PCDH10: variants seen among roughly 807,000 people sequenced by gnomAD.
PCDH10 encodes the protein protocadherin 10.
In PCDH10, 15 loss-of-function variants were observed where a neutral mutation model predicts 74.4. The ratio of observed to expected loss-of-function variants is 0.20; its 90% CI spans 0.13 to 0.31. PCDH10 has a LOEUF of 0.31. Ranked by LOEUF, PCDH10 falls within the 10% of genes least tolerant of loss-of-function variation. The pLI is 1.00. For synonymous variants in PCDH10, 619 were observed against 589.8 expected, an observed-to-expected ratio of 1.05 and a Z score of -0.72; for missense variants, 1,260 against 1,390.2, an observed-to-expected ratio of 0.91 and a Z score of 1.49.
At chr4:133,188,927 G>A (rs1370717640) in intron 4 of PCDH10, among the ~76,000 whole-genome samples, 1 of 151,674 alleles carries the variant, frequency 6.6e-6, no homozygotes, top group South Asian at 2.1e-4. Flanking sequence ...CACCCAACTC[G>A]GACTTCCAAA....
In PCDH10 at chr4:133,163,285, A is replaced by G; in HGVS notation, c.3103+3A>G. ...GCCTTACAAACCACCATATTTGAGT[A>G]AGTATTACACAAAGGGCTCTGTTAA... On this transcript the variant is annotated splice_donor_region_variant and intron_variant, in intron 4 of 4. Transcript: ENST00000264360. 6.2e-7 allele frequency: 1 copy of G among 1,606,280 alleles called. No individual in the cohort carries two copies. Among genetic ancestry groups the G allele is most frequent in the Non-Finnish European group, 8.5e-7 (1 of 1,175,934 alleles).
rs1326246914 is a variant in PCDH10 at position 133,191,080 on chromosome 4, C to A, written c.*920C>A. 2 of 152,330 alleles carry A rather than the reference C, an allele frequency of 1.3e-5. No individual in the cohort carries two copies. The highest frequency in any genetic ancestry group is 4.8e-5 in the African/African-American group (2 of 41,418). 9.4% of individuals were successfully genotyped at this position (152,330 alleles called of 1,614,324 possible). A position where few individuals can be genotyped will look rare whatever the true frequency, so the allele number is the denominator to read the frequency against. ...TACTATCAAACTATCTAACAATCTGCATAAGTCTGATTCTATTTCTATGAC... is the reference window on the plus strand; with the variant it reads ...TACTATCAAACTATCTAACAATCTGAATAAGTCTGATTCTATTTCTATGAC... On this transcript the variant is annotated 3_prime_UTR_variant, in exon 5 of 5. Coordinates refer to ENST00000264360, the MANE Select transcript of PCDH10 (RefSeq NM_032961.3).
At chr4:133,153,632 T>C (rs899101365) in intron 1 of PCDH10, 2 of 146,740 alleles carry the variant, frequency 1.4e-5, no homozygotes, top group African/African-American at 5.0e-5. Flanking sequence ...AGAACAAAGT[T>C]GGTTTATGTG....
intron 3 of PCDH10, among the ~76,000 whole-genome samples, chr4:133,159,082 C>CA (rs1726916609): frequency 1.3e-5 from 2 of 151,538 alleles, no homozygotes; most frequent in Admixed American, 1.3e-4. Context: ...CTAGAAATCT[C>CA]AAAAAATGAA....
chr4:133,197,969 T>TTG (rs70957500), downstream of PCDH10, among the ~76,000 whole-genome samples: 5,759 of 144,976 alleles, frequency 0.04, 126 homozygotes, highest in South Asian at 0.064. Flanking sequence ...TCTCTCAAAA[T>TTG]TGTGTGTGTG....
At chr4:133,206,014 G>A (rs889924619) in intron 2 of PCDH10, among the ~76,000 whole-genome samples, 5 of 152,066 alleles carry the variant, frequency 3.3e-5, no homozygotes, top group Non-Finnish European at 5.9e-5. Flanking sequence ...ACTCTAAAAC[G>A]CTGAAGATAA....
At chr4:133,197,369 G>T (rs1727816829), downstream of PCDH10, among the ~76,000 whole-genome samples, 1 of 152,156 alleles carries the variant, frequency 6.6e-6, no homozygotes, top group Non-Finnish European at 1.5e-5. Flanking sequence ...AATTTTAAAA[G>T]TTGCTCTAAT....
chr4:133,160,823 T>C (rs944314078), intron 3 of PCDH10, among the ~76,000 whole-genome samples: 2 of 151,822 alleles, frequency 1.3e-5, no homozygotes, highest in Admixed American at 6.6e-5. Flanking sequence ...TCAAATTGAG[T>C]ATATTTTTAT....
exon 3 of PCDH10, chr4:133,208,252 T>G (rs1021123785): frequency 2.0e-5 from 3 of 152,216 alleles, no homozygotes; most frequent in African/African-American, 7.2e-5. Flanking sequence ...GGCACCCAGT[T>G]AAGCTGCACT....
chr4:133,168,417 A>G (rs931323156), intron 4 of PCDH10, among the ~76,000 whole-genome samples: 4 of 151,516 alleles, frequency 2.6e-5, no homozygotes, highest in African/African-American at 9.7e-5. Context: ...CCCCCAGTTA[A>G]AGAACAATTT....
intron 3 of PCDH10, among the ~76,000 whole-genome samples, chr4:133,157,572 A>C (rs1726892387): frequency 6.6e-6 from 1 of 152,182 alleles, no homozygotes; most frequent in Non-Finnish European, 1.5e-5. Flanking sequence ...AGGTTTTAGT[A>C]GGGAAAAGTT....
chr4:133,170,870 T>G (rs1240695568), intron 4 of PCDH10, among the ~76,000 whole-genome samples: 2 of 149,590 alleles, frequency 1.3e-5, no homozygotes, highest in African/African-American at 2.5e-5. Flanking sequence ...TTTTTTGTAT[T>G]TTTAGTAGAG....
At chr4:133,182,059 A>G (rs1323024612) in intron 4 of PCDH10, among the ~76,000 whole-genome samples, 2 of 151,898 alleles carry the variant, frequency 1.3e-5, no homozygotes, top group Non-Finnish European at 2.9e-5. Flanking sequence ...TTTTTTTCTC[A>G]TCTTACATTG....
At chr4:133,202,398 C>A (rs1727923303) in intron 2 of PCDH10, among the ~76,000 whole-genome samples, 3 of 152,140 alleles carry the variant, frequency 2.0e-5, no homozygotes, top group Admixed American at 2.0e-4. Context: ...GGAAGTTGCA[C>A]TGAGTACCTT....
At position 133,190,367 on chromosome 4, in the gene PCDH10, A is replaced by C; in HGVS notation, c.*207A>C. 1 of 600,626 alleles carries C rather than the reference A, an allele frequency of 1.7e-6. No individual in the cohort carries two copies. Among genetic ancestry groups the C allele is most frequent in the South Asian group, 2.2e-5 (1 of 45,098 alleles). The allele number at this position is 600,626 out of a possible 1,614,324, so 37.2% of individuals were successfully genotyped here. A position where few individuals can be genotyped will look rare whatever the true frequency, so the allele number is the denominator to read the frequency against. On this transcript the variant is annotated 3_prime_UTR_variant, in exon 5 of 5. Coordinates refer to ENST00000264360, the MANE Select transcript of PCDH10 (RefSeq NM_032961.3). ...TGAGTTGAAATGTGCAGAACTGTAG[A>C]AACTTTAGAGGCAACAGATTTTGCC... is the stretch of plus-strand genomic sequence containing the variant.
rs980264059 is a variant in PCDH10 at position 133,194,613 on chromosome 4, C to A, written c.*4453C>A. On this transcript the variant is annotated 3_prime_UTR_variant, in exon 5 of 5. Coordinates refer to ENST00000264360, the MANE Select transcript of PCDH10 (RefSeq NM_032961.3). ...AAATAAAACTAGGATACATATTATG[C>A]CATTTTTCCATGCATGGATCTTCCA... 1 of 151,806 alleles carries A rather than the reference C, an allele frequency of 6.6e-6. No individual in the cohort carries two copies. Among genetic ancestry groups the A allele is most frequent in the Non-Finnish European group, 1.5e-5 (1 of 67,848 alleles). 9.4% of individuals were successfully genotyped at this position (151,806 alleles called of 1,614,324 possible).
At chr4:133,158,027 G>A (rs1007167351) in intron 3 of PCDH10, among the ~76,000 whole-genome samples, 7 of 151,920 alleles carry the variant, frequency 4.6e-5, no homozygotes, top group South Asian at 2.1e-4. Flanking sequence ...GGTGCTTCCC[G>A]TTTTTTTCAG....
At chr4:133,176,546 T>C (rs1727300349) in intron 4 of PCDH10, among the ~76,000 whole-genome samples, 1 of 152,144 alleles carries the variant, frequency 6.6e-6, no homozygotes, top group African/African-American at 2.4e-5. Context: ...TATGCTCTCT[T>C]TTACTCCCAG....
downstream of PCDH10, among the ~76,000 whole-genome samples, chr4:133,195,174 A>T (rs1727770354): frequency 1.3e-5 from 2 of 152,114 alleles, no homozygotes; most frequent in African/African-American, 4.8e-5. Context: ...TTTACCCTAT[A>T]GAAATTTAAG....
Sources: allele counts gnomAD v4.1 joint callset (sites outside exome capture counted in the v4.1 genomes callset), GRCh38; gene constraint gnomAD v4.1.1; transcripts MANE v1.5; gene names NCBI Gene and HGNC (gene_info 2026-07-23, HGNC 2026-07-21).